GMDS: variants seen among roughly 807,000 people sequenced by gnomAD.
The protein encoded by GMDS is GDP-mannose 4,6 dehydratase.
GMDS carries 20 observed loss-of-function variants against 49.9 expected under a neutral mutation model. The ratio of observed to expected loss-of-function variants is 0.40; its 90% CI spans 0.28 to 0.58. The LOEUF is 0.58. Ranked by LOEUF, GMDS falls within the 20% of genes least tolerant of loss-of-function variation. GMDS has a pLI of 0.42. For missense variants in GMDS, 362 were observed against 481.4 expected, an observed-to-expected ratio of 0.75 and a Z score of 2.32; for synonymous variants, 177 against 178.6, an observed-to-expected ratio of 0.99 and a Z score of 0.07.
intron 7 of GMDS, among the ~76,000 whole-genome samples, chr6:1,751,292 C>T (rs1170798122): frequency 6.6e-6 from 1 of 152,170 alleles, no homozygotes; most frequent in African/African-American, 2.4e-5. Context: ...TACCTCCTAG[C>T]AGGGGTTGAC....
intron 1 of GMDS, among the ~76,000 whole-genome samples, chr6:2,149,504 C>T (rs1328671608): frequency 1.3e-5 from 2 of 152,088 alleles, no homozygotes; most frequent in African/African-American, 4.8e-5. Context: ...CTTTTTCAGC[C>T]ACCTGAACCT....
At chr6:2,181,585 AT>A (rs1778532937) in intron 1 of GMDS, among the ~76,000 whole-genome samples, 1 of 152,092 alleles carries the variant, frequency 6.6e-6, no homozygotes, top group Non-Finnish European at 1.5e-5. Context: ...TTACACTTTG[AT>A]AATTCTCACA....
At chr6:1,818,006 A>C (rs899731398) in intron 7 of GMDS, among the ~76,000 whole-genome samples, 1 of 152,252 alleles carries the variant, frequency 6.6e-6, no homozygotes, top group Admixed American at 6.5e-5. Context: ...TCTGAAATAC[A>C]GAGCTTGCCT....
At chr6:1,751,097 A>G (rs1052073368) in intron 7 of GMDS, among the ~76,000 whole-genome samples, 1 of 152,144 alleles carries the variant, frequency 6.6e-6, no homozygotes, top group Non-Finnish European at 1.5e-5. Flanking sequence ...TAAAACTCCC[A>G]TCTCCCTGGA....
At chr6:1,735,374 G>A (rs1766965745) in intron 8 of GMDS, among the ~76,000 whole-genome samples, 1 of 152,226 alleles carries the variant, frequency 6.6e-6, no homozygotes, top group Non-Finnish European at 1.5e-5. Flanking sequence ...GCAGTCTATG[G>A]CCACCACAGT....
intron 7 of GMDS, among the ~76,000 whole-genome samples, chr6:1,762,238 C>T (rs991416052): frequency 1.3e-5 from 2 of 152,206 alleles, no homozygotes; most frequent in Non-Finnish European, 2.9e-5. Flanking sequence ...AACCAGGTAT[C>T]GGATGTGGTT....
intron 7 of GMDS, among the ~76,000 whole-genome samples, chr6:1,927,687 G>A (rs987410209): frequency 6.6e-6 from 1 of 152,200 alleles, no homozygotes; most frequent in East Asian, 1.9e-4. Flanking sequence ...TCACAGTGGA[G>A]CTAGCTTGGC....
At chr6:2,092,088 G>A (rs188734388) in intron 4 of GMDS, among the ~76,000 whole-genome samples, 2 of 152,154 alleles carry the variant, frequency 1.3e-5, no homozygotes, top group East Asian at 1.9e-4. Context: ...GGATTCCCAA[G>A]GAAAGAAATT....
chr6:1,683,916 C>T (rs551387530), intron 9 of GMDS, among the ~76,000 whole-genome samples: 14 of 151,120 alleles, frequency 9.3e-5, no homozygotes, highest in South Asian at 2.1e-4. Context: ...GTTTTGCGAT[C>T]GGTAGGCCTG....
Position 2,222,438 on chromosome 6 carries a change from T to C in GMDS, c.102+22883A>G, listed in dbSNP as rs530351094. ...GACCCTTTGGCCCAAATGTCTCCAT[T>C]CATTCGGTGCCTCATTACACAATTA... On this transcript the variant is annotated intron_variant, in intron 1 of 10. Transcript: ENST00000380815. Among the ~76,000 whole-genome samples, 54 of 152,310 alleles carry C rather than the reference T, an allele frequency of 3.5e-4. 3 individuals carry two copies. The highest frequency in any genetic ancestry group is 1.3e-3 in the African/African-American group (53 of 41,564).
At chr6:1,728,030 G>A (rs1480576670) in intron 8 of GMDS, among the ~76,000 whole-genome samples, 1 of 152,184 alleles carries the variant, frequency 6.6e-6, no homozygotes, top group Non-Finnish European at 1.5e-5. Context: ...CAAAGCAAGG[G>A]AATTGGTAGG....
chr6:2,193,252 T>G (rs1415713757), intron 1 of GMDS, among the ~76,000 whole-genome samples: 7 of 152,262 alleles, frequency 4.6e-5, no homozygotes, highest in African/African-American at 1.7e-4. Flanking sequence ...GCGTAAAACC[T>G]CACTCAAGTT....
intron 7 of GMDS, among the ~76,000 whole-genome samples, chr6:1,870,200 C>G (rs1222702058): frequency 6.6e-6 from 1 of 152,208 alleles, no homozygotes; most frequent in Non-Finnish European, 1.5e-5. Context: ...CTCCTTGCTC[C>G]TCAGTGCTGG....
At chr6:1,628,316 C>T (rs1581386090) in intron 9 of GMDS, among the ~76,000 whole-genome samples, 1 of 152,238 alleles carries the variant, frequency 6.6e-6, no homozygotes, top group Admixed American at 6.5e-5. Flanking sequence ...TTCCTCAGAT[C>T]TCTCCCATCT....
intron 1 of GMDS, among the ~76,000 whole-genome samples, chr6:2,206,401 C>G (rs1370745990): frequency 6.6e-6 from 1 of 152,048 alleles, no homozygotes; most frequent in Non-Finnish European, 1.5e-5. Context: ...CTGGGAGGCT[C>G]TAGGAGGCAC....
intron 7 of GMDS, among the ~76,000 whole-genome samples, chr6:1,926,562 A>T (rs909104801): frequency 2.0e-5 from 3 of 152,210 alleles, no homozygotes; most frequent in Non-Finnish European, 4.4e-5. Flanking sequence ...TCTTTATTCT[A>T]AAGTTGATTT....
chr6:1,789,957 T>C (rs1234031838), intron 7 of GMDS, among the ~76,000 whole-genome samples: 1 of 152,248 alleles, frequency 6.6e-6, no homozygotes, highest in African/African-American at 2.4e-5. Context: ...GCCTCTATCA[T>C]TTGTGATCCA....
chr6:1,741,872 T>TA (rs1452130812), intron 8 of GMDS, among the ~76,000 whole-genome samples: 3 of 140,298 alleles, frequency 2.1e-5, no homozygotes, highest in African/African-American at 7.8e-5. Flanking sequence ...CATTTAAAAC[T>TA]AAAAAAAGTA....
chr6:2,128,397 A>G (rs1311038938), intron 1 of GMDS, among the ~76,000 whole-genome samples: 10 of 151,438 alleles, frequency 6.6e-5, no homozygotes, highest in Non-Finnish European at 1.0e-4. Context: ...CTGTTCTCAA[A>G]CCCCTGACCT....
Sources: allele counts gnomAD v4.1 joint callset (sites outside exome capture counted in the v4.1 genomes callset), GRCh38; gene constraint gnomAD v4.1.1; transcripts MANE v1.5; gene names NCBI Gene and HGNC (gene_info 2026-07-23, HGNC 2026-07-21).